The following PPEF1 variants were observed in gnomAD, a reference collection of about 807,000 sequenced individuals.
PPEF1 encodes the protein serine/threonine-protein phosphatase with EF-hands 1.
In PPEF1, 12 loss-of-function variants were observed where a neutral mutation model predicts 53.3. That is an observed-to-expected ratio of 0.23 (90% CI 0.14 to 0.36). The LOEUF is 0.36. PPEF1 is among the 10% of genes least tolerant of loss of function. The pLI is 1.00. For synonymous variants in PPEF1, 165 were observed against 176.7 expected (o/e 0.93, Z 0.52); for missense variants, 334 against 490.4 (o/e 0.68, Z 3.01).
chrX:18,675,406 C>T (rs1411216276), upstream of PPEF1, among the ~76,000 whole-genome samples: 1 of 113,500 alleles, frequency 8.8e-6, no homozygotes, highest in East Asian at 2.8e-4. Flanking sequence ...AGGACGTCGC[C>T]GCTTGCGGCG....
At chrX:18,801,673 A>G (rs1251735486) in intron 10 of PPEF1, among the ~76,000 whole-genome samples, 1 of 111,625 alleles carries the variant, frequency 9.0e-6, no homozygotes, top group Middle Eastern at 4.2e-3. Flanking sequence ...TTAAGCTGTT[A>G]TAGAAGTTTC....
intron 3 of PPEF1, among the ~76,000 whole-genome samples, chrX:18,744,478 T>C (rs2045278554): frequency 9.0e-6 from 1 of 111,646 alleles, no homozygotes; most frequent in Non-Finnish European, 1.9e-5. Context: ...CAGTCCACTT[T>C]TCACACATCA....
intron 6 of PPEF1, among the ~76,000 whole-genome samples, chrX:18,763,905 G>A (rs1451511226): frequency 1.8e-5 from 2 of 110,791 alleles, no homozygotes. Context: ...GCAGATTGGT[G>A]TAGGAAGTCC....
At chrX:18,680,313 CAGTG>C, upstream of PPEF1, among the ~76,000 whole-genome samples, 1 of 110,070 alleles carries the variant, frequency 9.1e-6, no homozygotes, top group Non-Finnish European at 1.9e-5. Flanking sequence ...GATATCTTCT[CAGTG>C]AGGCCTTTCC....
intron 1 of PPEF1, among the ~76,000 whole-genome samples, chrX:18,728,565 C>A (rs1056105916): frequency 5.4e-5 from 6 of 111,075 alleles, no homozygotes; most frequent in South Asian, 3.9e-4. Context: ...GGGGACACAG[C>A]CAAATCATTT....
At chrX:18,721,436 G>A (rs1006027987) in intron 1 of PPEF1, among the ~76,000 whole-genome samples, 2 of 111,463 alleles carry the variant, frequency 1.8e-5, no homozygotes, top group African/African-American at 3.3e-5. Context: ...ACATCATATC[G>A]TGCCCTTGGA....
intron 11 of PPEF1, among the ~76,000 whole-genome samples, chrX:18,805,748 C>T (rs1425029099): frequency 2.8e-5 from 3 of 108,406 alleles, no homozygotes; most frequent in Non-Finnish European, 5.7e-5. Context: ...GAGGCTGAGG[C>T]AGGAGAATTC....
chrX:18,736,531 C>T lies in PPEF1; in HGVS notation c.235+2723C>T, dbSNP rs377239099. ...TGATGTGCTGCTGGATTCGGTTTGCCAGTATTTTATTGAGGATTTTTGCAT... is the reference window on the plus strand; with the variant it reads ...TGATGTGCTGCTGGATTCGGTTTGCTAGTATTTTATTGAGGATTTTTGCAT... On this transcript the variant is annotated intron_variant, in intron 3 of 15. Coordinates refer to ENST00000470157, the MANE Select transcript of PPEF1 (RefSeq NM_001377996.1). Among the ~76,000 whole-genome samples, 43 of 111,793 alleles carry T rather than the reference C, an allele frequency of 3.8e-4. No homozygotes were observed. The East Asian group carries it at 0.011, about 30-fold the overall frequency.
chrX:18,799,228 G>A (rs1184992419), intron 10 of PPEF1, among the ~76,000 whole-genome samples: 3 of 93,424 alleles, frequency 3.2e-5, no homozygotes, highest in Non-Finnish European at 6.2e-5. Flanking sequence ...GCAAGACCCC[G>A]TCTCAAAAAA....
chrX:18,710,998 G>GTGTGTA (rs770400282), intron 1 of PPEF1, among the ~76,000 whole-genome samples: 1 of 108,889 alleles, frequency 9.2e-6, no homozygotes, highest in African/African-American at 3.4e-5. Context: ...GTGTGTGTGT[G>GTGTGTA]TATATATGTG....
At chrX:18,765,678 C>T (rs1170945949) in intron 6 of PPEF1, among the ~76,000 whole-genome samples, 2 of 111,254 alleles carry the variant, frequency 1.8e-5, no homozygotes, top group Non-Finnish European at 3.8e-5. Flanking sequence ...TTAGTATTTT[C>T]AACAGCGGTA....
chrX:18,778,833 AGGAGATGC>A (rs2046023415), intron 6 of PPEF1, among the ~76,000 whole-genome samples, 169 bp from the exon 7 acceptor site: 2 of 111,259 alleles, frequency 1.8e-5, no homozygotes, highest in African/African-American at 6.5e-5. Context: ...GGGCCTTTGC[AGGAGATGC>A]CTGCCGTGGA....
Position 18,824,034 on chromosome X carries a change from T to C in PPEF1, c.1613T>C (p.Val538Ala), listed in dbSNP as rs746822297. ...GTAAACATAGACCAAAATGGAAACG[T>C]TGAATACATGTCCAGCTTCCAGAAT... ...NLVNIDQNGN[V>A]EYMSSFQNIR... The change falls in exon 14 of 16, where the codon GTT becomes GCT. Residue 538 changes from valine (V) to alanine (A), a missense_variant. Val to Ala is a moderately conservative substitution (Grantham distance 64). Transcript: ENST00000470157. The C allele has an allele frequency of 5.8e-6, 7 of 1,206,130 alleles. No homozygotes were observed. Among genetic ancestry groups the C allele is most frequent in the African/African-American group, 1.7e-5 (1 of 57,681 alleles).
chrX:18,707,698 G>T lies in PPEF1; in HGVS notation c.-83G>T. On this transcript the variant is annotated 5_prime_UTR_variant, in exon 1 of 16. Transcript: ENST00000470157. ...GAGGATCGGCTAAGAGTGGTTCCTC[G>T]CAGCTTAAAGGGAGGCACTTTTCAC... The T allele has an allele frequency of 3.3e-6, 3 of 899,543 alleles. No homozygotes were observed. Among genetic ancestry groups the T allele is most frequent in the Non-Finnish European group, 4.9e-6 (3 of 618,156 alleles). 74.1% of individuals were successfully genotyped at this position (899,543 alleles called of 1,213,427 possible).
intron 9 of PPEF1, among the ~76,000 whole-genome samples, chrX:18,786,212 T>C (rs2046195141): frequency 9.0e-6 from 1 of 111,656 alleles, no homozygotes; most frequent in South Asian, 3.8e-4. Flanking sequence ...CAGCCAGCTC[T>C]ATCGAGGGCT....
chrX:18,718,998 G>T (rs111909950), intron 1 of PPEF1, among the ~76,000 whole-genome samples: 4,383 of 111,889 alleles, frequency 0.039, 230 homozygotes, highest in African/African-American at 0.13. Flanking sequence ...TTGCAGTCAA[G>T]ATATTATTTC....
chrX:18,709,933 T>C lies in PPEF1; in HGVS notation c.46+2107T>C, dbSNP rs148695556. Among the ~76,000 whole-genome samples, 1,023 of 112,312 alleles carry C rather than the reference T, an allele frequency of 9.1e-3. 14 individuals carry two copies. Among genetic ancestry groups the C allele is most frequent in the African/African-American group, 0.031 (955 of 30,906 alleles). ...TTAACATTTTGAGAAATTTCCAAGC[T>C]GTTTTCCCAAGTGACTGCACCATTC... On this transcript the variant is annotated intron_variant, in intron 1 of 15. Transcript: ENST00000470157.
chrX:18,736,711 C>T (rs2044990408), intron 3 of PPEF1, among the ~76,000 whole-genome samples: 1 of 112,461 alleles, frequency 8.9e-6, no homozygotes, highest in African/African-American at 3.2e-5. Context: ...ATGGTACCAG[C>T]TCCTCTTTGT....
rs1569257625 is a variant in PPEF1, at chrX:18,757,718, C to T, written c.488C>T (p.Pro163Leu). The T allele has an allele frequency of 8.3e-7, 1 of 1,208,778 alleles. No individual in the cohort carries two copies. Among genetic ancestry groups the T allele is most frequent in the East Asian group, 3.0e-5 (1 of 33,841 alleles). The change falls in exon 5 of 16, where the codon CCC (proline) becomes CTC (leucine). Residue 163 changes from proline (P) to leucine (L), a missense_variant. Coordinates refer to ENST00000470157, the MANE Select transcript of PPEF1 (RefSeq NM_001377996.1). ...MPNFTHIQTS[P>L]SKEVTICGDL... ...AATTTCACTCACATACAAACTTCTC[C>T]CTCCAAAGAGGTAACAATCTGTGGT... is the stretch of plus-strand genomic sequence containing the variant.
Sources: allele counts gnomAD v4.1 joint callset (sites outside exome capture counted in the v4.1 genomes callset), GRCh38; gene constraint gnomAD v4.1.1; transcripts MANE v1.5; gene names NCBI Gene and HGNC (gene_info 2026-07-23, HGNC 2026-07-21).